The following MIPOL1 variants were observed in gnomAD, a reference collection of about 807,000 sequenced individuals.
MIPOL1 encodes mirror-image polydactyly gene 1 protein.
MIPOL1 carries 57 observed loss-of-function variants against 60.9 expected under a neutral mutation model. The ratio of observed to expected loss-of-function variants is 0.94; its 90% CI spans 0.76 to 1.17. The LOEUF (loss-of-function observed/expected upper bound fraction) is 1.17. Among genes scored for constraint, MIPOL1 ranks in the 50% most tolerant of loss-of-function variants. MIPOL1 has a pLI of 0.00. For missense variants in MIPOL1, 551 were observed against 511.6 expected (o/e 1.08, Z -0.74); for synonymous variants, 179 against 168.8 (o/e 1.06, Z -0.47).
At chr14:37,511,520 G>T (rs2095327716) in intron 12 of MIPOL1, among the ~76,000 whole-genome samples, 1 of 152,116 alleles carries the variant, frequency 6.6e-6, no homozygotes, top group South Asian at 2.1e-4. Context: ...TTATTAAAGA[G>T]AAAACTGACA....
At chr14:37,399,489 G>A (rs994194634) in intron 10 of MIPOL1, among the ~76,000 whole-genome samples, 1 of 152,050 alleles carries the variant, frequency 6.6e-6, no homozygotes, top group Non-Finnish European at 1.5e-5. Context: ...GGGTCATGCT[G>A]GCATTGGAGT....
intron 9 of MIPOL1, among the ~76,000 whole-genome samples, chr14:37,328,723 A>G (rs1454316538): frequency 6.6e-6 from 1 of 152,188 alleles, no homozygotes; most frequent in Non-Finnish European, 1.5e-5. Flanking sequence ...ATGAGATAGC[A>G]GAAACTTCAA....
chr14:37,299,333 A>G (rs2086137187), intron 7 of MIPOL1, among the ~76,000 whole-genome samples: 1 of 152,090 alleles, frequency 6.6e-6, no homozygotes, highest in Non-Finnish European at 1.5e-5. Flanking sequence ...AGATATACCT[A>G]ATGCTAAATG....
At chr14:37,511,310 A>G (rs2095326151) in intron 12 of MIPOL1, among the ~76,000 whole-genome samples, 3 of 152,140 alleles carry the variant, frequency 2.0e-5, no homozygotes, top group Admixed American at 2.0e-4. Flanking sequence ...TTCTTTATGT[A>G]CTTTTATTGG....
intron 9 of MIPOL1, among the ~76,000 whole-genome samples, chr14:37,356,588 G>T (rs901164114): frequency 1.3e-5 from 2 of 152,200 alleles, no homozygotes; most frequent in Admixed American, 6.5e-5. Flanking sequence ...CTCCGAGCCA[G>T]GTGCGGGATA....
chr14:37,360,621 T>A (rs1390811801), intron 9 of MIPOL1, among the ~76,000 whole-genome samples: 1 of 152,224 alleles, frequency 6.6e-6, no homozygotes, highest in Non-Finnish European at 1.5e-5. Context: ...TTTTATAGTA[T>A]TCTCTGATGG....
intron 3 of MIPOL1, among the ~76,000 whole-genome samples, chr14:37,255,205 C>T (rs1205816857): frequency 1.3e-5 from 2 of 151,610 alleles, no homozygotes; most frequent in African/African-American, 4.8e-5. Context: ...ATGAGAATTT[C>T]AGCTTGTCAT....
At chr14:37,226,333 A>G (rs1969729708) in intron 1 of MIPOL1, among the ~76,000 whole-genome samples, 1 of 152,226 alleles carries the variant, frequency 6.6e-6, no homozygotes, top group Non-Finnish European at 1.5e-5. Flanking sequence ...TTACAAAAGA[A>G]AGAGGTTTAA....
At position 37,442,573 on chromosome 14, in the gene MIPOL1, C is replaced by T. The variant is rs2094267319; in HGVS notation, c.1031+19624C>T. On this transcript the variant is annotated intron_variant, in intron 11 of 12. Coordinates refer to ENST00000684589, the MANE Select transcript of MIPOL1 (RefSeq NM_001388067.1). ...TGCCTAGTTTGTTAAGGTTTTTTATCCTGAAGGGATGTTGAATTTTATCAA... is the reference window on the plus strand; with the variant it reads ...TGCCTAGTTTGTTAAGGTTTTTTATTCTGAAGGGATGTTGAATTTTATCAA... Among the ~76,000 whole-genome samples the T allele has an allele frequency of 3.3e-5, 5 of 151,812 alleles. No individual in the cohort carries two copies. In the South Asian group the frequency reaches 1.0e-3, roughly 32 times the overall value.
chr14:37,221,909 A>G (rs908328852), intron 1 of MIPOL1, among the ~76,000 whole-genome samples: 1 of 152,120 alleles, frequency 6.6e-6, no homozygotes, highest in Non-Finnish European at 1.5e-5. Context: ...CTTCTCATAA[A>G]CAGCAGCCCC....
At chr14:37,225,676 A>G (rs1969593727) in intron 1 of MIPOL1, among the ~76,000 whole-genome samples, 1 of 152,114 alleles carries the variant, frequency 6.6e-6, no homozygotes. Flanking sequence ...GACCTCTGAC[A>G]TACCCTGGAG....
chr14:37,456,200 A>G (rs2094474673), intron 11 of MIPOL1, among the ~76,000 whole-genome samples: 1 of 152,006 alleles, frequency 6.6e-6, no homozygotes, highest in African/African-American at 2.4e-5. Flanking sequence ...TGCCTATCCA[A>G]ATTAGTCTTC....
At chr14:37,481,600 CACACACACACA>C (rs1566683935) in intron 11 of MIPOL1, among the ~76,000 whole-genome samples, 10 of 150,170 alleles carry the variant, frequency 6.7e-5, no homozygotes, top group Non-Finnish European at 7.4e-5. Flanking sequence ...CACACACACA[CACACACACACA>C]CCGAAACCAC....
At chr14:37,249,729 A>G (rs369307837) in intron 3 of MIPOL1, among the ~76,000 whole-genome samples, 1 of 152,084 alleles carries the variant, frequency 6.6e-6, no homozygotes, top group South Asian at 2.1e-4. Flanking sequence ...TTAGGAACTA[A>G]TTTGTTATAG....
chr14:37,274,341 T>C (rs2083494827), intron 6 of MIPOL1, among the ~76,000 whole-genome samples: 1 of 151,478 alleles, frequency 6.6e-6, no homozygotes, highest in African/African-American at 2.4e-5. Context: ...CTCTGTCCCC[T>C]ATCATGTTAA....
intron 10 of MIPOL1, among the ~76,000 whole-genome samples, chr14:37,376,173 C>T (rs2092771629): frequency 6.6e-6 from 1 of 152,126 alleles, no homozygotes; most frequent in Non-Finnish European, 1.5e-5. Flanking sequence ...AGTTAGTGAA[C>T]CTACATTGAC....
intron 11 of MIPOL1, among the ~76,000 whole-genome samples, chr14:37,474,920 C>G (rs926871244): frequency 6.6e-6 from 1 of 152,046 alleles, no homozygotes; most frequent in Admixed American, 6.6e-5. Flanking sequence ...TATATATTTT[C>G]TTTGCTTAAG....
chr14:37,416,462 A>G (rs563723160), intron 10 of MIPOL1, among the ~76,000 whole-genome samples: 3 of 152,154 alleles, frequency 2.0e-5, no homozygotes, highest in East Asian at 3.9e-4. Context: ...GGTGTAGCCT[A>G]TTGCTCCTAG....
At chr14:37,413,918 C>T (rs2093720884) in intron 10 of MIPOL1, among the ~76,000 whole-genome samples, 1 of 152,100 alleles carries the variant, frequency 6.6e-6, no homozygotes, top group South Asian at 2.1e-4. Context: ...AAAAACTAAC[C>T]AAACACAGTA....
Sources: allele counts gnomAD v4.1 joint callset (sites outside exome capture counted in the v4.1 genomes callset), GRCh38; gene constraint gnomAD v4.1.1; transcripts MANE v1.5; gene names NCBI Gene and HGNC (gene_info 2026-07-23, HGNC 2026-07-21).